FMO1: variants seen among roughly 807,000 people sequenced by gnomAD.
FMO1 encodes flavin-containing monooxygenase 1.
FMO1 carries 36 observed loss-of-function variants against 45.4 expected under a neutral mutation model. That is an observed-to-expected ratio of 0.79 (90% CI 0.61 to 1.05). The LOEUF (loss-of-function observed/expected upper bound fraction) is 1.05. Ranked by LOEUF, FMO1 falls within the 50% of genes least tolerant of loss-of-function variation. FMO1 has a pLI of 0.00. For missense variants in FMO1, 615 were observed against 640.3 expected, an observed-to-expected ratio of 0.96 and a Z score of 0.43; for synonymous variants, 228 against 227.2, an observed-to-expected ratio of 1.00 and a Z score of -0.03.
chr1:171,275,471 T>C lies in FMO1; in HGVS notation c.447T>C (p.Phe149=), dbSNP rs1661070010. The C allele has an allele frequency of 1.2e-6, 2 of 1,613,310 alleles. No individual in the cohort carries two copies. The highest frequency in any genetic ancestry group is 2.2e-5 in the South Asian group (2 of 90,936). ...ATGCTGTCATGGTCTGCACTGGCTT[T>C]CTTACTAATCCTTATTTGCCACTGG... The part of the protein sequence containing the change: ...IFDAVMVCTG[F]LTNPYLPLDS... Residue 149 remains phenylalanine (F), a synonymous_variant, in exon 4 of 9, where the codon TTT becomes TTC. Coordinates refer to ENST00000617670, the MANE Select transcript of FMO1 (RefSeq NM_001282693.2).
rs779930151 is a variant in FMO1 at position 171,285,247 on chromosome 1, A to G, written c.1302A>G (p.Thr434=). The change falls in exon 9 of 9, where the codon ACA becomes ACG. Residue 434 remains threonine, a synonymous_variant. Coordinates refer to ENST00000617670, the MANE Select transcript of FMO1 (RefSeq NM_001282693.2). ...YCKALQSDYI[T]YIDELLTYIN... ...AGGCTTTACAATCAGATTATATCAC[A>G]TACATAGATGAACTCCTGACCTATA... 1.2e-6 allele frequency: 2 copies of G among 1,613,644 alleles called. No individual in the cohort carries two copies. Among genetic ancestry groups the G allele is most frequent in the Admixed American group, 1.7e-5 (1 of 59,980 alleles).
intron 8 of FMO1, 93 bp downstream of exon 8, chr1:171,283,309 A>AC: frequency 1.7e-6 from 1 of 572,270 alleles, no homozygotes; most frequent in Non-Finnish European, 2.8e-6. Flanking sequence ...GAAATGAAAA[A>AC]GAAAAAAAAA....
At chr1:171,253,997 G>C (rs1459202203) in intron 1 of FMO1, 1 of 152,206 alleles carries the variant, frequency 6.6e-6, no homozygotes, top group Admixed American at 6.5e-5. Flanking sequence ...AATCAATCGA[G>C]TTAGCGTACT....
chr1:171,274,442 T>G (rs1319141374), intron 3 of FMO1, among the ~76,000 whole-genome samples: 1 of 151,950 alleles, frequency 6.6e-6, no homozygotes, highest in Non-Finnish European at 1.5e-5. Context: ...TTGTATTTTT[T>G]TTGTAAAGAT....
chr1:171,274,617 C>T (rs12724905), intron 3 of FMO1, among the ~76,000 whole-genome samples: 2,297 of 151,978 alleles, frequency 0.015, 28 homozygotes, highest in Non-Finnish European at 0.024. Context: ...AATCAAATAG[C>T]GAACCCATTA....
chr1:171,252,552 G>GCTCT (rs1659943327), intron 1 of FMO1, among the ~76,000 whole-genome samples: 1 of 152,226 alleles, frequency 6.6e-6, no homozygotes, highest in Admixed American at 6.5e-5. Context: ...TGAGCCCTGT[G>GCTCT]CTCTCCATCC....
At chr1:171,259,047 A>G (rs1463951852) in intron 2 of FMO1, among the ~76,000 whole-genome samples, 1 of 152,216 alleles carries the variant, frequency 6.6e-6, no homozygotes, top group African/African-American at 2.4e-5. Flanking sequence ...CCTTTTGAGC[A>G]AAAACATTTC....
chr1:171,248,890 T>C (rs1159624026), intron 1 of FMO1, among the ~76,000 whole-genome samples: 2 of 150,854 alleles, frequency 1.3e-5, no homozygotes, highest in African/African-American at 4.9e-5. Flanking sequence ...TGTACACAGG[T>C]AAGTATACTG....
intron 3 of FMO1, among the ~76,000 whole-genome samples, chr1:171,274,181 C>T (rs954516912): frequency 6.7e-6 from 1 of 149,364 alleles, no homozygotes; most frequent in Non-Finnish European, 1.5e-5. Context: ...ACACAAATAG[C>T]TATTACTCAG....
intron 3 of FMO1, 72 bp downstream of exon 3, chr1:171,267,803 C>T (rs893670639): frequency 7.5e-6 from 9 of 1,206,828 alleles, no homozygotes; most frequent in African/African-American, 1.5e-5. Flanking sequence ...TCCAGCCTAG[C>T]CCTGGGCTCT....
chr1:171,254,623 A>T lies in FMO1; in HGVS notation c.-6-3459A>T, dbSNP rs541377206. Among the ~76,000 whole-genome samples the T allele has an allele frequency of 2.6e-5, 4 of 152,300 alleles. No individual in the cohort carries two copies. In the East Asian group the frequency reaches 7.7e-4, roughly 29 times the overall value. ...TCAGTTCATCAACAATGTCTTATGG[A>T]TGATACACTGTCGTTGGTCTAGCAC... On this transcript the variant is annotated intron_variant, in intron 1 of 8. Coordinates refer to ENST00000617670, the MANE Select transcript of FMO1 (RefSeq NM_001282693.2).
Position 171,271,325 on chromosome 1 carries a change from ACTT to A in FMO1, c.321+3598_321+3600del, listed in dbSNP as rs542533741. On this transcript the variant is annotated intron_variant, in intron 3 of 8. Coordinates refer to ENST00000617670, the MANE Select transcript of FMO1 (RefSeq NM_001282693.2). ...CTCTTGGGTGCATTGGGATCCTTGA[ACTT>A]CTTTTTTGTCTCCCCTTTGGGAGGG... The A allele has an allele frequency of 2.4e-4, 329 of 1,343,836 alleles. 3 individuals carry two copies. The African/African-American group carries it at 3.8e-3, about 15-fold the overall frequency. 83.2% of individuals were successfully genotyped at this position (1,343,836 alleles called of 1,614,324 possible).
intron 3 of FMO1, among the ~76,000 whole-genome samples, 191 bp downstream of exon 3, chr1:171,267,922 G>A (rs1356062873): frequency 6.6e-6 from 1 of 152,138 alleles, no homozygotes; most frequent in Non-Finnish European, 1.5e-5. Context: ...AGGATACTTT[G>A]TGTAAAGATT....
At position 171,258,084 on chromosome 1, in the gene FMO1, G is replaced by A. The variant is rs1422635595; in HGVS notation, c.-4G>A. 6.2e-7 allele frequency: 1 copy of A among 1,614,116 alleles called. No homozygotes were observed. Among genetic ancestry groups the A allele is most frequent in the East Asian group, 2.2e-5 (1 of 44,858 alleles). On this transcript the variant is annotated splice_region_variant and 5_prime_UTR_variant, in exon 2 of 9. Coordinates refer to ENST00000617670, the MANE Select transcript of FMO1 (RefSeq NM_001282693.2). Reference sequence around the variant, plus strand: ...CCTGCTTCATCTTCCTCATGCAGGAGAACATGGCCAAGCGAGTTGCCATTG... The same window carrying A: ...CCTGCTTCATCTTCCTCATGCAGGAAAACATGGCCAAGCGAGTTGCCATTG...
chr1:171,285,158 GT>G (rs758965545), intron 8 of FMO1, 43 bp from the exon 9 acceptor site: 16 of 1,331,676 alleles, frequency 1.2e-5, no homozygotes, highest in African/African-American at 1.5e-5. Flanking sequence ...AAGATTATCA[GT>G]TTTTTTGTCT....
chr1:171,270,989 C>T (rs1207982442), intron 3 of FMO1: 2 of 909,376 alleles, frequency 2.2e-6, no homozygotes, highest in African/African-American at 3.3e-5. Context: ...TCTTCATCTA[C>T]CTCCTCATCA....
intron 7 of FMO1, 153 bp from the exon 8 acceptor site, chr1:171,282,991 G>A: frequency 1.8e-6 from 1 of 553,292 alleles, no homozygotes; most frequent in Non-Finnish European, 3.2e-6. Context: ...CATACAACCA[G>A]TCAGCTCAGG....
intron 3 of FMO1, among the ~76,000 whole-genome samples, chr1:171,273,410 T>C (rs1660957171): frequency 6.6e-6 from 1 of 152,254 alleles, no homozygotes; most frequent in Admixed American, 6.5e-5. Flanking sequence ...TAAAGCATTA[T>C]CATAATGAAT....
intron 2 of FMO1, among the ~76,000 whole-genome samples, chr1:171,265,322 C>T (rs1276538074): frequency 6.6e-6 from 1 of 151,144 alleles, no homozygotes; most frequent in Non-Finnish European, 1.5e-5. Flanking sequence ...ACCCGGGAGG[C>T]AGAGCTTGCA....
Sources: gnomAD v4.1 joint callset for allele counts (sites outside exome capture counted in the v4.1 genomes callset) on GRCh38, gnomAD v4.1.1 for gene constraint, MANE v1.5 for transcripts, NCBI Gene and HGNC (gene_info 2026-07-23, HGNC 2026-07-21) for gene names.